CDK6: variants seen among roughly 807,000 people sequenced by gnomAD.
The protein encoded by CDK6 is cyclin dependent kinase 6.
CDK6 carries 6 observed loss-of-function variants against 37.1 expected under a neutral mutation model. That is an observed-to-expected ratio of 0.16 (90% CI 0.09 to 0.32). The LOEUF (loss-of-function observed/expected upper bound fraction) is 0.32. CDK6 is among the 10% of genes least tolerant of loss of function. The pLI, the probability that CDK6 is intolerant of heterozygous loss-of-function variation, is 1.00. For synonymous variants in CDK6, 160 were observed against 161.3 expected, an observed-to-expected ratio of 0.99 and a Z score of 0.06; for missense variants, 224 against 418.9, an observed-to-expected ratio of 0.53 and a Z score of 4.06.
chr7:92,762,777 T>C (rs906238808), intron 3 of CDK6, among the ~76,000 whole-genome samples: 1 of 152,084 alleles, frequency 6.6e-6, no homozygotes, highest in Non-Finnish European at 1.5e-5. Flanking sequence ...TTCACCATAC[T>C]GGCCAAGCTG....
At position 92,614,116 on chromosome 7, in the gene CDK6, A is replaced by G. The variant is rs1459625026; in HGVS notation, c.*1024T>C. Reference sequence around the variant, plus strand: ...CAAGGCCACTCCTGTCTCTAGTTAGAGAGAACTACTCTCCAAACCAAAACA... The same window carrying G: ...CAAGGCCACTCCTGTCTCTAGTTAGGGAGAACTACTCTCCAAACCAAAACA... On this transcript the variant is annotated 3_prime_UTR_variant, in exon 8 of 8. Coordinates refer to ENST00000424848, the MANE Select transcript of CDK6 (RefSeq NM_001145306.2). 4.3e-6 allele frequency: 1 copy of G among 233,180 alleles called. No homozygotes were observed. The highest frequency in any genetic ancestry group is 8.5e-6 in the Non-Finnish European group (1 of 118,038). The allele number at this position is 233,180 out of a possible 1,614,324, so 14.4% of individuals were successfully genotyped here.
chr7:92,628,071 A>G (rs1469741809), intron 5 of CDK6, among the ~76,000 whole-genome samples: 2 of 152,160 alleles, frequency 1.3e-5, no homozygotes, highest in Non-Finnish European at 2.9e-5. Context: ...GCAAGTTTTG[A>G]TAATCTATTG....
At chr7:92,691,950 T>C (rs921877520) in intron 4 of CDK6, among the ~76,000 whole-genome samples, 4 of 152,206 alleles carry the variant, frequency 2.6e-5, no homozygotes, top group South Asian at 2.1e-4. Flanking sequence ...CCCACAGGAC[T>C]GAAAAGTATT....
At chr7:92,711,711 G>A (rs1798098643) in intron 4 of CDK6, among the ~76,000 whole-genome samples, 1 of 151,282 alleles carries the variant, frequency 6.6e-6, no homozygotes. Context: ...GGGACTACAG[G>A]CACATACCAC....
chr7:92,753,345 A>C (rs1272753804), intron 3 of CDK6, among the ~76,000 whole-genome samples: 2 of 152,124 alleles, frequency 1.3e-5, no homozygotes, highest in Non-Finnish European at 2.9e-5. Flanking sequence ...ATTTATGTGT[A>C]CCTTACTGAT....
Position 92,613,877 on chromosome 7 carries a change from C to T in CDK6, c.*1263G>A, listed in dbSNP as rs998582202. On this transcript the variant is annotated 3_prime_UTR_variant, in exon 8 of 8. Coordinates refer to ENST00000424848, the MANE Select transcript of CDK6 (RefSeq NM_001145306.2). ...TGTGACCCTGTTAGGTTTGCAGAAT[C>T]GAGGCCATAAACCATAAGCTGAGAC... 2.1e-5 allele frequency: 5 copies of T among 233,026 alleles called. No individual in the cohort carries two copies. The highest frequency in any genetic ancestry group is 1.8e-4 in the South Asian group (1 of 5,532). The allele number at this position is 233,026 out of a possible 1,614,324, so 14.4% of individuals were successfully genotyped here. A position where few individuals can be genotyped will look rare whatever the true frequency, so the allele number is the denominator to read the frequency against.
chr7:92,752,423 T>C (rs1480101897), intron 3 of CDK6, among the ~76,000 whole-genome samples: 1 of 152,112 alleles, frequency 6.6e-6, no homozygotes, highest in Non-Finnish European at 1.5e-5. Flanking sequence ...TAAGTTCTGG[T>C]GAAAAGAATG....
intron 2 of CDK6, among the ~76,000 whole-genome samples, chr7:92,794,873 C>A (rs1800367453): frequency 6.7e-6 from 1 of 148,478 alleles, no homozygotes; most frequent in Admixed American, 6.6e-5. Flanking sequence ...TCTTTTGGGT[C>A]CAAAAAGAGG....
intron 2 of CDK6, among the ~76,000 whole-genome samples, chr7:92,825,668 T>C (rs1801294244): frequency 6.6e-6 from 1 of 152,104 alleles, no homozygotes; most frequent in African/African-American, 2.4e-5. Flanking sequence ...ATTAGGAAGG[T>C]TTTACCTAAT....
intron 6 of CDK6, among the ~76,000 whole-genome samples, chr7:92,618,763 T>C (rs1795736937): frequency 1.3e-5 from 2 of 152,194 alleles, no homozygotes; most frequent in Admixed American, 1.3e-4. Context: ...TAAAACGTGC[T>C]AGTCCTGCAT....
chr7:92,662,641 T>C (rs1796865591), intron 5 of CDK6, among the ~76,000 whole-genome samples: 1 of 152,158 alleles, frequency 6.6e-6, no homozygotes, highest in Non-Finnish European at 1.5e-5. Context: ...GAGTGCAAGC[T>C]GAGTGATGCA....
chr7:92,639,509 T>C (rs1406485454), intron 5 of CDK6, among the ~76,000 whole-genome samples: 1 of 152,238 alleles, frequency 6.6e-6, no homozygotes, highest in African/African-American at 2.4e-5. Flanking sequence ...GCTTAAAGCC[T>C]TCCTGTTCTC....
chr7:92,666,833 T>C (rs1411901138), intron 5 of CDK6, among the ~76,000 whole-genome samples: 3 of 152,206 alleles, frequency 2.0e-5, no homozygotes, highest in African/African-American at 7.2e-5. Context: ...CTGTTGCTGG[T>C]TTATGTATTT....
At chr7:92,810,192 C>G (rs983416866) in intron 2 of CDK6, among the ~76,000 whole-genome samples, 4 of 152,152 alleles carry the variant, frequency 2.6e-5, no homozygotes, top group African/African-American at 7.2e-5. Flanking sequence ...CATTATACCT[C>G]TAGTTTCCAG....
intron 2 of CDK6, among the ~76,000 whole-genome samples, chr7:92,829,413 T>C (rs1389498116): frequency 6.6e-6 from 1 of 152,198 alleles, no homozygotes; most frequent in Admixed American, 6.5e-5. Context: ...CTAGAAACAA[T>C]ACAGGTAAGC....
chr7:92,755,570 C>T (rs1799296617), intron 3 of CDK6, among the ~76,000 whole-genome samples: 1 of 152,096 alleles, frequency 6.6e-6, no homozygotes, highest in Admixed American at 6.5e-5. Flanking sequence ...TGCGCACAAA[C>T]CAGGAAGAAA....
intron 5 of CDK6, among the ~76,000 whole-genome samples, chr7:92,635,389 C>CT (rs1234422446): frequency 6.6e-6 from 1 of 152,172 alleles, no homozygotes; most frequent in Non-Finnish European, 1.5e-5. Context: ...GGCTCTGTAA[C>CT]TGATTAACAA....
intron 5 of CDK6, among the ~76,000 whole-genome samples, chr7:92,629,162 C>G (rs1356998007): frequency 4.0e-5 from 6 of 151,868 alleles, no homozygotes; most frequent in Non-Finnish European, 2.9e-5. Flanking sequence ...TCACAGAGAC[C>G]CAGACTGATA....
intron 2 of CDK6, among the ~76,000 whole-genome samples, chr7:92,804,815 C>T (rs766107431): frequency 3.9e-5 from 6 of 152,060 alleles, no homozygotes; most frequent in African/African-American, 9.7e-5. Flanking sequence ...TGGCAGTAGT[C>T]GCAGCACTAG....
Sources: allele counts gnomAD v4.1 joint callset (sites outside exome capture counted in the v4.1 genomes callset), GRCh38; gene constraint gnomAD v4.1.1; transcripts MANE v1.5; gene names NCBI Gene and HGNC (gene_info 2026-07-23, HGNC 2026-07-21).